The following RNGTT variants were observed in gnomAD, a reference collection of about 807,000 sequenced individuals.
RNGTT encodes mRNA-capping enzyme.
Under a neutral mutation model 79.3 loss-of-function variants are expected in RNGTT, and 33 were observed. That is an observed-to-expected ratio of 0.42 (90% CI 0.32 to 0.56). The LOEUF (loss-of-function observed/expected upper bound fraction) is 0.56. Among genes scored for constraint, RNGTT ranks in the 20% least tolerant of loss-of-function variants. RNGTT has a pLI of 0.17. For missense variants in RNGTT, 497 were observed against 739.1 expected (o/e 0.67, Z 3.80); for synonymous variants, 222 against 235.9 (o/e 0.94, Z 0.54).
chr6:88,919,547 T>C (rs546329014), intron 4 of RNGTT, among the ~76,000 whole-genome samples: 29 of 152,116 alleles, frequency 1.9e-4, no homozygotes, highest in Middle Eastern at 6.8e-3. Flanking sequence ...AGGCTGGTCT[T>C]GAACTCCTGG....
intron 4 of RNGTT, among the ~76,000 whole-genome samples, chr6:88,925,942 G>C (rs1347504211): frequency 1.3e-5 from 2 of 152,146 alleles, no homozygotes; most frequent in African/African-American, 4.8e-5. Flanking sequence ...CGTAGGTCCA[G>C]GATAGGCCCT....
intron 6 of RNGTT, among the ~76,000 whole-genome samples, chr6:88,903,851 G>A (rs1009306430): frequency 6.6e-6 from 1 of 152,110 alleles, no homozygotes; most frequent in Non-Finnish European, 1.5e-5. Context: ...ATACTTGTGT[G>A]TGTACAAGTA....
intron 11 of RNGTT, among the ~76,000 whole-genome samples, chr6:88,806,387 G>A (rs909312849): frequency 3.4e-5 from 5 of 148,664 alleles, no homozygotes; most frequent in South Asian, 2.1e-4. Context: ...GCACAGTCTC[G>A]GCTCACTGCA....
intron 11 of RNGTT, among the ~76,000 whole-genome samples, chr6:88,831,918 C>T (rs1780882432): frequency 6.6e-6 from 1 of 152,156 alleles, no homozygotes; most frequent in Admixed American, 6.5e-5. Context: ...AACTACAAAC[C>T]ACTGCTCAAG....
chr6:88,958,123 G>A (rs186466898), intron 1 of RNGTT, among the ~76,000 whole-genome samples: 3 of 152,274 alleles, frequency 2.0e-5, no homozygotes, highest in Admixed American at 2.0e-4. Flanking sequence ...AGCATAAAGT[G>A]GGGAAAGGAC....
intron 14 of RNGTT, among the ~76,000 whole-genome samples, chr6:88,617,130 C>T (rs1347287702): frequency 3.3e-5 from 5 of 152,164 alleles, no homozygotes; most frequent in African/African-American, 9.6e-5. Flanking sequence ...ATTAGCCGGG[C>T]GTGGTGGCAG....
At chr6:88,961,770 C>T (rs1785633638) in intron 1 of RNGTT, among the ~76,000 whole-genome samples, 1 of 152,190 alleles carries the variant, frequency 6.6e-6, no homozygotes. Flanking sequence ...CATACACCTA[C>T]CATATGATGC....
At chr6:88,707,762 C>T (rs1776184297) in intron 13 of RNGTT, among the ~76,000 whole-genome samples, 1 of 149,926 alleles carries the variant, frequency 6.7e-6, no homozygotes, top group Non-Finnish European at 1.5e-5. Flanking sequence ...AAAAAATCCA[C>T]CATTCTGAGA....
intron 14 of RNGTT, among the ~76,000 whole-genome samples, chr6:88,631,632 T>C (rs1772891574): frequency 6.6e-6 from 1 of 151,764 alleles, no homozygotes; most frequent in Non-Finnish European, 1.5e-5. Context: ...TTGAGCAACA[T>C]TTTCTCAACT....
chr6:88,721,401 C>T (rs182191000), intron 13 of RNGTT, among the ~76,000 whole-genome samples: 2 of 152,138 alleles, frequency 1.3e-5, no homozygotes, highest in East Asian at 3.9e-4. Flanking sequence ...CACAACTAAC[C>T]ACTAAATCTA....
At position 88,963,453 on chromosome 6, in the gene RNGTT, C is replaced by T. The variant is rs1582186513; in HGVS notation, c.-44G>A. 6.6e-7 allele frequency: 1 copy of T among 1,506,026 alleles called. No individual in the cohort carries two copies. The highest frequency in any genetic ancestry group is 2.6e-5 in the East Asian group (1 of 38,724). The allele number at this position is 1,506,026 out of a possible 1,614,324, so 93.3% of individuals were successfully genotyped here. ...GCTGCCCTCCCTCACCAACGTTCACCGCGCCTTTGGAGCCGCCTCCCCGTG... is the reference window on the plus strand; with the variant it reads ...GCTGCCCTCCCTCACCAACGTTCACTGCGCCTTTGGAGCCGCCTCCCCGTG... On this transcript the variant is annotated 5_prime_UTR_variant, in exon 1 of 16. Coordinates refer to ENST00000369485, the MANE Select transcript of RNGTT (RefSeq NM_003800.5).
rs1772017952 is a variant in RNGTT, at chr6:88,611,411, C to T, written c.*1308G>A. Reference sequence around the variant, plus strand: ...AGACCATGAAAATTTGTTTTAAATACATTTACTTAAAACATGTACCTCTAA... The same window carrying T: ...AGACCATGAAAATTTGTTTTAAATATATTTACTTAAAACATGTACCTCTAA... On this transcript the variant is annotated 3_prime_UTR_variant, in exon 16 of 16. Coordinates refer to ENST00000369485, the MANE Select transcript of RNGTT (RefSeq NM_003800.5). 1 of 146,086 alleles carries T rather than the reference C, an allele frequency of 6.8e-6. No homozygotes were observed. Among genetic ancestry groups the T allele is most frequent in the African/African-American group, 2.8e-5 (1 of 35,344 alleles). 9.0% of individuals were successfully genotyped at this position (146,086 alleles called of 1,614,324 possible).
At chr6:88,614,243 A>C (rs781656407) in intron 15 of RNGTT, 29 bp downstream of exon 15, 1 of 1,609,414 alleles carries the variant, frequency 6.2e-7, no homozygotes, top group East Asian at 2.2e-5. Flanking sequence ...TTTTAAATAT[A>C]ATAAGCACTG....
intron 6 of RNGTT, among the ~76,000 whole-genome samples, chr6:88,893,885 A>G (rs1293480864): frequency 6.6e-6 from 1 of 152,210 alleles, no homozygotes; most frequent in East Asian, 1.9e-4. Context: ...TTTGCTATTT[A>G]ATGTTACTAC....
intron 8 of RNGTT, among the ~76,000 whole-genome samples, chr6:88,876,787 TG>T (rs1165990226): frequency 6.6e-6 from 1 of 152,234 alleles, no homozygotes; most frequent in African/African-American, 2.4e-5. Context: ...ACATGTTTGC[TG>T]CCCCCAGAAC....
intron 6 of RNGTT, among the ~76,000 whole-genome samples, chr6:88,900,534 C>T (rs1328459665): frequency 6.6e-6 from 1 of 150,826 alleles, no homozygotes; most frequent in Non-Finnish European, 1.5e-5. Flanking sequence ...AGGAGATCCA[C>T]ACAAGCCTGG....
intron 12 of RNGTT, among the ~76,000 whole-genome samples, chr6:88,778,126 C>A (rs1352884891): frequency 1.3e-5 from 2 of 151,976 alleles, no homozygotes; most frequent in African/African-American, 4.8e-5. Flanking sequence ...AACCTTGTAA[C>A]CCAGGGATAA....
intron 14 of RNGTT, among the ~76,000 whole-genome samples, chr6:88,669,284 T>C (rs1774538468): frequency 1.3e-5 from 2 of 152,210 alleles, no homozygotes; most frequent in African/African-American, 2.4e-5. Context: ...GCAGAAAATA[T>C]AGCCCATTCC....
intron 12 of RNGTT, among the ~76,000 whole-genome samples, chr6:88,777,381 A>C (rs6935348): frequency 0.01 from 1,553 of 152,280 alleles, 24 homozygotes; most frequent in African/African-American, 0.035. Context: ...TTCTGTAAAA[A>C]ATGTCATTGG....
Sources: gnomAD v4.1 joint callset for allele counts (sites outside exome capture counted in the v4.1 genomes callset) on GRCh38, gnomAD v4.1.1 for gene constraint, MANE v1.5 for transcripts, NCBI Gene and HGNC (gene_info 2026-07-23, HGNC 2026-07-21) for gene names.